The following ANKRD52 variants were observed in gnomAD, a reference collection of about 807,000 sequenced individuals.
The protein encoded by ANKRD52 is serine/threonine-protein phosphatase 6 regulatory ankyrin repeat subunit C.
ANKRD52 carries 7 observed loss-of-function variants against 116.0 expected under a neutral mutation model. The observed-to-expected ratio is 0.06, with a 90% confidence interval of 0.03 to 0.11. The LOEUF (loss-of-function observed/expected upper bound fraction) is 0.11, where lower values mean the gene tolerates loss of function less well. Ranked by LOEUF, ANKRD52 falls within the 10% of genes least tolerant of loss-of-function variation. The probability of loss-of-function intolerance (pLI) is 1.00; values close to 1 mark genes in which losing one functional copy is unlikely to be tolerated. For synonymous variants in ANKRD52, 528 were observed against 578.1 expected (o/e 0.91, Z 1.24); for missense variants, 839 against 1,408.6 (o/e 0.60, Z 6.47).
In ANKRD52 at chr12:56,242,594, G is replaced by T; in HGVS notation, c.*548C>A. The T allele has an allele frequency of 5.7e-6, 1 of 175,392 alleles. No homozygotes were observed. The highest frequency in any genetic ancestry group is 1.5e-4 in the East Asian group (1 of 6,500). The allele number at this position is 175,392 out of a possible 1,614,324, so 10.9% of individuals were successfully genotyped here. A position where few individuals can be genotyped will look rare whatever the true frequency, so the allele number is the denominator to read the frequency against. On this transcript the variant is annotated 3_prime_UTR_variant, in exon 28 of 28. Transcript: ENST00000267116. The surrounding 1 kb of genome is among the most constrained non-coding windows in gnomAD (Gnocchi z 4.3). ...TGGGGAAAAAGCTCCAGGCCCCAGTGCTAAATATCCTCCCCCCTCATCCTC... is the reference window on the plus strand; with the variant it reads ...TGGGGAAAAAGCTCCAGGCCCCAGTTCTAAATATCCTCCCCCCTCATCCTC...
intron 4 of ANKRD52, among the ~76,000 whole-genome samples, chr12:56,256,512 T>G (rs1434400526): frequency 1.3e-5 from 2 of 152,172 alleles, no homozygotes; most frequent in African/African-American, 4.8e-5. Flanking sequence ...CCCCTCCCCC[T>G]GGTGGCTGGA....
rs1000937845 is a variant in ANKRD52 at position 56,257,771 on chromosome 12, G to C, written c.111+57C>G. ...GGAGCCGCCCCACCGGTGGGGAGGG[G>C]TCCAGAACACGGGAGCCAGGATTCC... On this transcript the variant is annotated intron_variant, in intron 2 of 27. Transcript: ENST00000267116. 1.9e-6 allele frequency: 3 copies of C among 1,561,214 alleles called. No individual in the cohort carries two copies. In the African/African-American group the frequency reaches 4.1e-5, roughly 21 times the overall value.
rs2135879126 is a variant in ANKRD52 at position 56,245,188 on chromosome 12, G to A, written c.2407C>T (p.His803Tyr). Reference sequence around the variant, plus strand: ...AGTAACAACTCCAGACAATCTTCATGTCCTGGGCACGAGGAAGGAAGAGTA... The same window carrying A: ...AGTAACAACTCCAGACAATCTTCATATCCTGGGCACGAGGAAGGAAGAGTA... ...SPMHWASYTG[H>Y]EDCLELLLEH... The change falls in exon 22 of 28, where the codon CAT becomes TAT. Residue 803 changes from histidine (H) to tyrosine (Y), a missense_variant and splice_region_variant. Physicochemically the swap from His to Tyr is moderately conservative, Grantham distance 83. Coordinates refer to ENST00000267116, the MANE Select transcript of ANKRD52 (RefSeq NM_173595.4). The A allele has an allele frequency of 6.2e-7, 1 of 1,613,954 alleles. No homozygotes were observed. Among genetic ancestry groups the A allele is most frequent in the East Asian group, 2.2e-5 (1 of 44,884 alleles).
At chr12:56,249,909 G>A (rs183337464) in intron 15 of ANKRD52, among the ~76,000 whole-genome samples, 5 of 152,264 alleles carry the variant, frequency 3.3e-5, no homozygotes, top group Non-Finnish European at 5.9e-5. Context: ...GCGTGGCAGC[G>A]TGCTCCTGTA....
Position 56,248,666 on chromosome 12 carries a change from A to G in ANKRD52, c.1704+93T>C, listed in dbSNP as rs1279664261. The G allele has an allele frequency of 2.7e-6, 4 of 1,489,438 alleles. No individual in the cohort carries two copies. In the Admixed American group the frequency reaches 7.9e-5, roughly 29 times the overall value. 92.3% of individuals were successfully genotyped at this position (1,489,438 alleles called of 1,614,324 possible). The stretch of plus-strand genomic sequence containing the variant: ...ATCCCCACTAAGCCTCTGGATCCAA[A>G]GACCACATTTGATTGAACCCTTAGT... On this transcript the variant is annotated intron_variant, in intron 16 of 27. Coordinates refer to ENST00000267116, the MANE Select transcript of ANKRD52 (RefSeq NM_173595.4). This position sits in a 1 kb window ranked among gnomAD's most constrained non-coding sequence, Gnocchi z 5.1.
chr12:56,246,973 TAAAC>T (rs1282209017), intron 20 of ANKRD52, among the ~76,000 whole-genome samples: 5 of 122,952 alleles, frequency 4.1e-5, no homozygotes, highest in African/African-American at 6.0e-5. Flanking sequence ...ATAATAATAA[TAAAC>T]AAAGCACAGA....
Position 56,242,985 on chromosome 12 carries a change from T to C in ANKRD52, c.*157A>G. The C allele has an allele frequency of 9.0e-7, 1 of 1,107,644 alleles. No individual in the cohort carries two copies. The highest frequency in any genetic ancestry group is 1.2e-6 in the Non-Finnish European group (1 of 804,090). The allele number at this position is 1,107,644 out of a possible 1,614,324, so 68.6% of individuals were successfully genotyped here. On this transcript the variant is annotated 3_prime_UTR_variant, in exon 28 of 28. Transcript: ENST00000267116. This position sits in a 1 kb window ranked among gnomAD's most constrained non-coding sequence, Gnocchi z 4.3. ...AGACCCCTGCCAGGCCAAGATGGTG[T>C]GGCAAAGGGGTGAGCAGCTGCTCCC...
At position 56,247,536 on chromosome 12, in the gene ANKRD52, G is replaced by A; in HGVS notation, c.2141C>T (p.Ala714Val). Reference sequence around the variant, plus strand: ...GCGGCCCCGGAGGTCAGCAGCATCAGCTGTGGATCCTTTCTCTAGCAGCAG... The same window carrying A: ...GCGGCCCCGGAGGTCAGCAGCATCAACTGTGGATCCTTTCTCTAGCAGCAG... Reference protein sequence around the residue: ...VHLLLEKGSTADAADLRGRTA... With the variant: ...VHLLLEKGSTVDAADLRGRTA... Residue 714 changes from alanine to valine, a missense_variant, in exon 20 of 28, where the codon GCT becomes GTT. This residue lies in a region of ANKRD52 where 552 missense variants were observed against 810.6 expected (regional missense o/e 0.68). Transcript: ENST00000267116. The A allele has an allele frequency of 6.3e-7, 1 of 1,595,434 alleles. No homozygotes were observed. The highest frequency in any genetic ancestry group is 8.5e-7 in the Non-Finnish European group (1 of 1,170,608).
At chr12:56,245,663 G>T in intron 20 of ANKRD52, 67 bp from the exon 21 acceptor site, 1 of 1,365,598 alleles carries the variant, frequency 7.3e-7, no homozygotes, top group Non-Finnish European at 1.0e-6. Context: ...TGTTGCTGGA[G>T]TCTGGCTCAG....
At chr12:56,245,638 C>CCTTTTCCA in intron 20 of ANKRD52, 42 bp from the exon 21 acceptor site, 1 of 1,576,242 alleles carries the variant, frequency 6.3e-7, no homozygotes, top group Non-Finnish European at 8.6e-7. Flanking sequence ...AAAAGCTCCT[C>CCTTTTCCA]CTTTTCCACT....
In ANKRD52 at chr12:56,253,365, C is replaced by T. The variant is rs1453894377; in HGVS notation, c.1023G>A (p.Thr341=). 4 of 1,613,780 alleles carry T rather than the reference C, an allele frequency of 2.5e-6. No individual in the cohort carries two copies. Among genetic ancestry groups the T allele is most frequent in the East Asian group, 4.5e-5 (2 of 44,896 alleles). The part of the protein sequence containing the change: ...EIDCADKFGN[T]PLHVAARYGH... ...CATATCGAGCAGCCACATGCAGTGG[C>T]GTGTTCCCAAATTTGTCGGCACAAT... The change falls in exon 10 of 28, where the codon ACG becomes ACA. Residue 341 remains threonine, a synonymous_variant. Transcript: ENST00000267116. The surrounding 1 kb of genome is among the most constrained non-coding windows in gnomAD (Gnocchi z 5.5).
chr12:56,244,961 T>C lies in ANKRD52; in HGVS notation c.2521A>G (p.Met841Val). 1 of 1,613,758 alleles carries C rather than the reference T, an allele frequency of 6.2e-7. No homozygotes were observed. Among genetic ancestry groups the C allele is most frequent in the Non-Finnish European group, 8.5e-7 (1 of 1,179,840 alleles). The change falls in exon 23 of 28, where the codon ATG becomes GTG. Residue 841 changes from methionine to valine, a missense_variant. Transcript: ENST00000267116. The surrounding 1 kb of genome is among the most constrained non-coding windows in gnomAD (Gnocchi z 4.9). ...VINNQDSTTE[M>V]LLGALGAKIV... ...TTGGCACCCAGAGCTCCCAGTAGCA[T>C]CTCTGTGGTGCTGTCTTGGTTATTA...
In ANKRD52 at chr12:56,253,409, G is replaced by A. The variant is rs990672456; in HGVS notation, c.986-7C>T. On this transcript the variant is annotated splice_polypyrimidine_tract_variant and splice_region_variant and intron_variant, in intron 9 of 27. Coordinates refer to ENST00000267116, the MANE Select transcript of ANKRD52 (RefSeq NM_173595.4). The surrounding 1 kb of genome is among the most constrained non-coding windows in gnomAD (Gnocchi z 5.5). ...GCACAATCAATCTCGCTGCCTGTGA[G>A]GGGATGCACACACACAAGCTCAGGC... 5.6e-6 allele frequency: 9 copies of A among 1,608,866 alleles called. No individual in the cohort carries two copies. In the African/African-American group the frequency reaches 1.2e-4, roughly 22 times the overall value.
rs549407710 is a variant in ANKRD52 at position 56,245,589 on chromosome 12, G to A, written c.2192C>T (p.Thr731Ile). 2.5e-6 allele frequency: 4 copies of A among 1,605,244 alleles called. No individual in the cohort carries two copies. The highest frequency in any genetic ancestry group is 1.1e-5 in the South Asian group (1 of 90,588). ...GGCAGCCAGGCAGTCCTCACAGCCA[G>A]TCACTGCCTGTGAGTAACATGGGGG... ...GRTALHRGAV[T>I]GCEDCLAALL... The change falls in exon 21 of 28, where the codon ACT becomes ATT. Residue 731 changes from threonine (T) to isoleucine (I), a missense_variant. Physicochemically the swap from Thr to Ile is moderately conservative, Grantham distance 89 (BLOSUM62 -1). Coordinates refer to ENST00000267116, the MANE Select transcript of ANKRD52 (RefSeq NM_173595.4).
Position 56,242,379 on chromosome 12 carries a change from G to C in ANKRD52, c.*763C>G, listed in dbSNP as rs1209105249. On this transcript the variant is annotated 3_prime_UTR_variant, in exon 28 of 28. Transcript: ENST00000267116. The surrounding 1 kb of genome is among the most constrained non-coding windows in gnomAD (Gnocchi z 4.3). ...AAAAGAAGATAAAAGAAAGAAGCAA[G>C]GTTAAAGTGCGTGGTTAGGGGCCAG... The C allele has an allele frequency of 1.0e-5, 4 of 387,420 alleles. No homozygotes were observed. The highest frequency in any genetic ancestry group is 1.8e-5 in the Non-Finnish European group (4 of 219,580). 24.0% of individuals were successfully genotyped at this position (387,420 alleles called of 1,614,324 possible). A position where few individuals can be genotyped will look rare whatever the true frequency, so the allele number is the denominator to read the frequency against.
chr12:56,239,675 C>G lies in ANKRD52; in HGVS notation c.*3467G>C, dbSNP rs1158290066. The stretch of plus-strand genomic sequence containing the variant: ...CCAGCCCGGCCCCAATCCCACCTCT[C>G]AGGACTCCTTCCAAGACCCTGGAGG... On this transcript the variant is annotated 3_prime_UTR_variant, in exon 28 of 28. Transcript: ENST00000267116. The G allele has an allele frequency of 6.6e-6, 1 of 152,422 alleles. No homozygotes were observed. Among genetic ancestry groups the G allele is most frequent in the African/African-American group, 2.4e-5 (1 of 41,434 alleles). 9.4% of individuals were successfully genotyped at this position (152,422 alleles called of 1,614,324 possible).
intron 3 of ANKRD52, 22 bp downstream of exon 3, chr12:56,257,261 C>T (rs1186885441): frequency 6.3e-7 from 1 of 1,579,154 alleles, no homozygotes; most frequent in Non-Finnish European, 8.6e-7. Flanking sequence ...ATGTGCCACA[C>T]CTTCCAGCTC....
chr12:56,245,387 G>A lies in ANKRD52; in HGVS notation c.2394C>T (p.Ala798=). 1 of 1,611,582 alleles carries A rather than the reference G, an allele frequency of 6.2e-7. No homozygotes were observed. Residue 798 remains alanine (A), a synonymous_variant, in exon 21 of 28, where the codon GCC becomes GCT. Transcript: ENST00000267116. ...DYSGYSPMHW[A]SYTGHEDCLE... Reference sequence around the variant, plus strand: ...GCCCCAGTCTAGTACCAGTGTAGGAGGCCCAGTGCATGGGCGAGTATCCGC... The same window carrying A: ...GCCCCAGTCTAGTACCAGTGTAGGAAGCCCAGTGCATGGGCGAGTATCCGC...
In ANKRD52 at chr12:56,254,993, C is replaced by T. The variant is rs871130; in HGVS notation, c.463-41G>A. The T allele has an allele frequency of 0.058, 91,699 of 1,586,636 alleles. 3,061 individuals are homozygous for T. The highest frequency in any genetic ancestry group is 0.066 in the Non-Finnish European group (76,799 of 1,156,904). ...AAAGACACCTGTTCAGAGCTAGATT[C>T]GTGCCCTCAACCTACCTAAGAGCAG... On this transcript the variant is annotated intron_variant, in intron 5 of 27. Coordinates refer to ENST00000267116, the MANE Select transcript of ANKRD52 (RefSeq NM_173595.4). The surrounding 1 kb of genome is among the most constrained non-coding windows in gnomAD (Gnocchi z 4.6).
Sources: allele counts gnomAD v4.1 joint callset (sites outside exome capture counted in the v4.1 genomes callset), GRCh38; gene constraint gnomAD v4.1.1; regional missense constraint gnomAD v4.1.1; non-coding constraint Gnocchi (gnomAD v3.1); transcripts MANE v1.5; gene names NCBI Gene and HGNC (gene_info 2026-07-23, HGNC 2026-07-21).